SPMIP2: variants seen among roughly 807,000 people sequenced by gnomAD.
SPMIP2 encodes the protein sperm microtubule inner protein 2, also known as protein SPMIP2.
At chr4:159,072,300 G>A in the SPMIP2 span, among the ~76,000 whole-genome samples, 1 of 152,144 alleles carries the variant, frequency 6.6e-6, no homozygotes. Context: ...GTGATAAAGT[G>A]AGACCCTGTC....
the SPMIP2 span, chr4:159,007,757 T>C: frequency 1.6e-6 from 1 of 608,974 alleles, no homozygotes. Flanking sequence ...CCTTCTACGC[T>C]GAGGTTTAAC....
the SPMIP2 span, among the ~76,000 whole-genome samples, chr4:158,901,598 C>T: frequency 1.3e-5 from 2 of 152,078 alleles, no homozygotes; most frequent in Admixed American, 6.6e-5. Context: ...AACTTGGTTC[C>T]ATTCTCCCTG....
the SPMIP2 span, among the ~76,000 whole-genome samples, chr4:159,003,490 C>T: frequency 6.6e-6 from 1 of 152,112 alleles, no homozygotes; most frequent in Admixed American, 6.6e-5. Context: ...ATACTATGTA[C>T]CTTCTAACCA....
the SPMIP2 span, among the ~76,000 whole-genome samples, chr4:158,963,273 A>G: frequency 9.3e-6 from 1 of 107,328 alleles, no homozygotes; most frequent in Admixed American, 1.1e-4. Context: ...GTTATCCTGT[A>G]GTAGGTAGTT....
the SPMIP2 span, among the ~76,000 whole-genome samples, chr4:158,896,413 T>C: frequency 3.3e-5 from 5 of 152,342 alleles, no homozygotes; most frequent in East Asian, 9.6e-4. Context: ...GGGTATTTGC[T>C]ATAACTTCTC....
the SPMIP2 span, among the ~76,000 whole-genome samples, chr4:159,075,872 G>A: frequency 1 from 151,372 of 151,910 alleles, 75,427 homozygotes; most frequent in Middle Eastern, 1. Context: ...ATCCATGAGC[G>A]TTGGATAATG....
the SPMIP2 span, among the ~76,000 whole-genome samples, chr4:158,927,120 G>A: frequency 2.0e-5 from 3 of 152,160 alleles, no homozygotes; most frequent in African/African-American, 7.2e-5. Context: ...GGGCTCTGTT[G>A]TTAGGTACAC....
At chr4:158,998,580 T>A in the SPMIP2 span, among the ~76,000 whole-genome samples, 1 of 152,180 alleles carries the variant, frequency 6.6e-6, no homozygotes, top group Non-Finnish European at 1.5e-5. Context: ...TTCTTATTAT[T>A]AGAGTTGTAT....
At chr4:159,081,102 A>T in the SPMIP2 span, among the ~76,000 whole-genome samples, 2 of 142,966 alleles carry the variant, frequency 1.4e-5, no homozygotes, top group South Asian at 4.4e-4. Context: ...CAGTGGCATG[A>T]TCTTGGCTCA....
At chr4:158,928,270 A>C in the SPMIP2 span, among the ~76,000 whole-genome samples, 8 of 152,174 alleles carry the variant, frequency 5.3e-5, no homozygotes, top group East Asian at 1.5e-3. Context: ...GCACCAGTCG[A>C]CACTCTGTAT....
At chr4:159,018,494 C>A in the SPMIP2 span, among the ~76,000 whole-genome samples, 2,021 of 152,274 alleles carry the variant, frequency 0.013, 37 homozygotes, top group African/African-American at 0.045. Context: ...TACATAATTT[C>A]TTTGACTCTA....
the SPMIP2 span, among the ~76,000 whole-genome samples, chr4:159,031,939 G>A: frequency 6.6e-6 from 1 of 152,050 alleles, no homozygotes; most frequent in Non-Finnish European, 1.5e-5. Context: ...ATATTGATGG[G>A]GGCCGGTTGT....
the SPMIP2 span, among the ~76,000 whole-genome samples, chr4:158,943,184 T>G: frequency 1.3e-5 from 2 of 152,234 alleles, no homozygotes; most frequent in Non-Finnish European, 2.9e-5. Context: ...TCTGTATATT[T>G]TATTCTGTGT....
chr4:159,027,842 A>C, the SPMIP2 span, among the ~76,000 whole-genome samples: 24 of 152,296 alleles, frequency 1.6e-4, no homozygotes, highest in Admixed American at 1.4e-3. Flanking sequence ...TGCTTCTCCG[A>C]CCACTTACAG....
chr4:158,900,874 A>C, the SPMIP2 span, among the ~76,000 whole-genome samples: 3 of 152,152 alleles, frequency 2.0e-5, no homozygotes, highest in Non-Finnish European at 4.4e-5. Context: ...TGATCCTGTC[A>C]TTATGATGCT....
chr4:159,002,412 A>G, the SPMIP2 span, among the ~76,000 whole-genome samples: 1 of 152,200 alleles, frequency 6.6e-6, no homozygotes, highest in East Asian at 1.9e-4. Context: ...TGTTACACCT[A>G]AAAATTATTT....
At chr4:158,955,317 G>A in the SPMIP2 span, among the ~76,000 whole-genome samples, 29 of 152,118 alleles carry the variant, frequency 1.9e-4, no homozygotes, top group Non-Finnish European at 3.8e-4. Context: ...GATTCTGAGC[G>A]CTTAGCACAT....
the SPMIP2 span, among the ~76,000 whole-genome samples, chr4:159,050,975 C>T: frequency 4.0e-5 from 6 of 151,638 alleles, no homozygotes; most frequent in South Asian, 2.1e-4. Context: ...GACATGGTGG[C>T]GGGTGCCTGT....
chr4:158,917,307 A>G, the SPMIP2 span, among the ~76,000 whole-genome samples: 94 of 149,304 alleles, frequency 6.3e-4, 1 homozygote, highest in South Asian at 5.3e-3. Flanking sequence ...CACGCCTGTA[A>G]TCCCAGCTAC....
Sources: gnomAD v4.1 joint callset for allele counts (sites outside exome capture counted in the v4.1 genomes callset) on GRCh38, gnomAD v4.1.1 for gene constraint, MANE v1.5 for transcripts, NCBI Gene and HGNC (gene_info 2026-07-23, HGNC 2026-07-21) for gene names.